Variants in NDUFS2 observed in about 807,000 individuals in gnomAD.
NDUFS2 encodes NADH dehydrogenase [ubiquinone] iron-sulfur protein 2, mitochondrial.
A neutral mutation model predicts 69.6 loss-of-function variants in NDUFS2; 38 were observed. The ratio of observed to expected loss-of-function variants is 0.55; its 90% CI spans 0.42 to 0.72. The LOEUF is 0.72. NDUFS2 is among the 30% of genes least tolerant of loss of function. NDUFS2 has a pLI of 0.00. For missense variants in NDUFS2, 468 were observed against 595.0 expected (o/e 0.79, Z 2.22); for synonymous variants, 194 against 211.2 (o/e 0.92, Z 0.70).
At chr1:161,213,604 T>C in intron 11 of NDUFS2, 45 bp from the exon 12 acceptor site, 3 of 1,598,052 alleles carry the variant, frequency 1.9e-6, no homozygotes, top group Non-Finnish European at 2.6e-6. Context: ...CAGAGAAAAA[T>C]ACTCTTCATG....
intron 2 of NDUFS2, among the ~76,000 whole-genome samples, chr1:161,204,114 C>T (rs1012835585): frequency 2.0e-5 from 3 of 152,220 alleles, no homozygotes; most frequent in African/African-American, 7.2e-5. Flanking sequence ...AATATTAATG[C>T]CAGCTTTTCC....
intron 3 of NDUFS2, among the ~76,000 whole-genome samples, chr1:161,208,018 C>G (rs1487960352): frequency 1.7e-4 from 20 of 115,526 alleles, no homozygotes; most frequent in Non-Finnish European, 2.2e-4. Flanking sequence ...GAGTTTCACT[C>G]TTGTTGCCCA....
chr1:161,208,951 C>T (rs918855796), intron 3 of NDUFS2, among the ~76,000 whole-genome samples: 6 of 152,126 alleles, frequency 3.9e-5, no homozygotes, highest in Non-Finnish European at 8.8e-5. Flanking sequence ...AGTATTTTTA[C>T]CATGGAAATT....
rs1276811416 is a variant in NDUFS2 at position 161,214,187 on chromosome 1, T to A, written c.1386T>A (p.Asp462Glu). The A allele has an allele frequency of 6.2e-7, 1 of 1,613,566 alleles. No homozygotes were observed. Among genetic ancestry groups the A allele is most frequent in the South Asian group, 1.1e-5 (1 of 91,062 alleles). Residue 462 changes from aspartate (D) to glutamate (E), a missense_variant, in exon 14 of 14, where the codon GAT (aspartate) becomes GAA (glutamate). By Grantham distance (45) the Asp-to-Glu change is conservative. This residue lies in a region of NDUFS2 where 72 missense variants were observed against 118.9 expected (regional missense o/e 0.61). Transcript: ENST00000676972. Reference sequence around the variant, plus strand: ...AAGATATTGTATTTGGAGAAGTAGATCGGTGAGCAGGGGAGCAGCGTTTGA... The same window carrying A: ...AAGATATTGTATTTGGAGAAGTAGAACGGTGAGCAGGGGAGCAGCGTTTGA... ...GTQDIVFGEVDR is the reference protein window; with the variant it reads ...GTQDIVFGEVER
intron 3 of NDUFS2, 43 bp downstream of exon 3, chr1:161,206,640 G>A (rs765348219): frequency 2.5e-6 from 4 of 1,603,326 alleles, no homozygotes; most frequent in Admixed American, 1.7e-5. Flanking sequence ...ATCTGGGGTT[G>A]CTTTAGCCTG....
At chr1:161,206,631 T>C in intron 3 of NDUFS2, 34 bp downstream of exon 3, 1 of 1,608,878 alleles carries the variant, frequency 6.2e-7, no homozygotes. Context: ...TTTGGCGGGA[T>C]CTGGGGTTGC....
Position 161,212,385 on chromosome 1 carries a change from C to G in NDUFS2, c.1021C>G (p.Leu341Val), listed in dbSNP as rs777153789. The change falls in exon 10 of 14, where the codon CTG becomes GTG. Residue 341 changes from leucine (L) to valine (V), a missense_variant. Leu to Val is a conservative substitution (Grantham distance 32). Around this residue, in one of 3 missense-constraint regions of NDUFS2, gnomAD observed 339 missense variants for 433.8 expected, o/e 0.78. Coordinates refer to ENST00000676972, the MANE Select transcript of NDUFS2 (RefSeq NM_001377299.1). Reference protein sequence around the residue: ...LCRVEEMRQSLRIIAQCLNKM... With the variant: ...LCRVEEMRQSVRIIAQCLNKM... ...CCGGGTGGAGGAGATGCGCCAGTCC[C>G]TGAGAATTATCGCACAGTGTCTAAA... The G allele has an allele frequency of 3.1e-6, 5 of 1,613,742 alleles. No individual in the cohort carries two copies. In the South Asian group the frequency reaches 4.4e-5, roughly 14 times the overall value.
At position 161,203,704 on chromosome 1, in the gene NDUFS2, TTCTGTC is replaced by T. The variant is rs1251078891; in HGVS notation, c.202+164_202+169del. 5.8e-6 allele frequency: 4 copies of T among 687,600 alleles called. No individual in the cohort carries two copies. The Admixed American group carries it at 8.3e-5, about 14-fold the overall frequency. The allele number at this position is 687,600 out of a possible 1,614,324, so 42.6% of individuals were successfully genotyped here. A position where few individuals can be genotyped will look rare whatever the true frequency, so the allele number is the denominator to read the frequency against. ...TTGAACTTCTGGGCTCAAGGCAACCTTCTGTCTCAGCCTCCCCAGAAAGCCGCAACA... is the reference window on the plus strand; with the variant it reads ...TTGAACTTCTGGGCTCAAGGCAACCTTCAGCCTCCCCAGAAAGCCGCAACA... On this transcript the variant is annotated intron_variant, in intron 2 of 13. Coordinates refer to ENST00000676972, the MANE Select transcript of NDUFS2 (RefSeq NM_001377299.1).
intron 3 of NDUFS2, among the ~76,000 whole-genome samples, chr1:161,206,891 C>T (rs1665497955): frequency 6.6e-6 from 1 of 152,264 alleles, no homozygotes; most frequent in Non-Finnish European, 1.5e-5. Flanking sequence ...CCTGCTCTTA[C>T]GTTAGACTAG....
intron 3 of NDUFS2, among the ~76,000 whole-genome samples, chr1:161,208,969 A>C (rs1047411018): frequency 6.6e-6 from 1 of 152,242 alleles, no homozygotes; most frequent in Admixed American, 6.5e-5. Context: ...ATTGGCAAAC[A>C]TGACAAATCA....
Position 161,202,392 on chromosome 1 carries a change from G to A in NDUFS2, c.7G>A (p.Ala3Thr), listed in dbSNP as rs1427418977. ...AGTCTGCAGCCGGAGTAAGATGGCG[G>A]CGCTGAGGGCTTTGTGCGGCTTCCG... MA[A>T]LRALCGFRGV... is the part of the protein sequence containing the mutation. The change falls in exon 1 of 14, where the codon GCG (alanine) becomes ACG (threonine). Residue 3 changes from alanine to threonine, a missense_variant. By Grantham distance (58) the Ala-to-Thr change is moderately conservative (BLOSUM62 0). Around this residue, in one of 3 missense-constraint regions of NDUFS2, gnomAD observed 57 missense variants for 42.3 expected, o/e 1.35. Transcript: ENST00000676972. 14 of 1,611,634 alleles carry A rather than the reference G, an allele frequency of 8.7e-6. No homozygotes were observed. Among genetic ancestry groups the A allele is most frequent in the African/African-American group, 1.3e-5 (1 of 74,892 alleles).
rs1665272812 is a variant in NDUFS2, at chr1:161,203,431, C to T, written c.96-6C>T. ...CTTTGTCTAGGATCTGTCTTTGACT[C>T]CCCAGAGGTGTTCGGCAGTGGCAGC... On this transcript the variant is annotated splice_polypyrimidine_tract_variant and splice_region_variant and intron_variant, in intron 1 of 13. Coordinates refer to ENST00000676972, the MANE Select transcript of NDUFS2 (RefSeq NM_001377299.1). 2 of 1,613,288 alleles carry T rather than the reference C, an allele frequency of 1.2e-6. No homozygotes were observed. Among genetic ancestry groups the T allele is most frequent in the South Asian group, 1.1e-5 (1 of 91,046 alleles).
upstream of NDUFS2, among the ~76,000 whole-genome samples, chr1:161,201,565 C>T (rs1009928789): frequency 2.6e-5 from 4 of 152,338 alleles, no homozygotes; most frequent in Middle Eastern, 3.4e-3. Flanking sequence ...GGCCATTACC[C>T]AGGAGGGCTA....
In NDUFS2 at chr1:161,202,372, G is replaced by A. The variant is rs1252585066; in HGVS notation, c.-14G>A. ...CGCCCGGTTCTCCTTCCCGCAGTCTGCAGCCGGAGTAAGATGGCGGCGCTG... is the reference window on the plus strand; with the variant it reads ...CGCCCGGTTCTCCTTCCCGCAGTCTACAGCCGGAGTAAGATGGCGGCGCTG... On this transcript the variant is annotated 5_prime_UTR_variant, in exon 1 of 14. Coordinates refer to ENST00000676972, the MANE Select transcript of NDUFS2 (RefSeq NM_001377299.1). The A allele has an allele frequency of 6.2e-7, 1 of 1,607,720 alleles. No homozygotes were observed. Among genetic ancestry groups the A allele is most frequent in the Admixed American group, 1.7e-5 (1 of 59,094 alleles).
chr1:161,197,955 C>G (rs777293949), upstream of NDUFS2: 8 of 1,522,886 alleles, frequency 5.3e-6, no homozygotes, highest in Non-Finnish European at 7.1e-6. Flanking sequence ...ACAGACATGG[C>G]GGGAGGACAC....
rs752574041 is a variant in NDUFS2, at chr1:161,203,508, A to C, written c.167A>C (p.Lys56Thr). 2.5e-6 allele frequency: 4 copies of C among 1,613,966 alleles called. No individual in the cohort carries two copies. Among genetic ancestry groups the C allele is most frequent in the Non-Finnish European group, 3.4e-6 (4 of 1,180,008 alleles). ...GGGGGAGCTGTTATGTACCCAAGCAAAGAAACAGCCCACTGGAAGCCTCCA... is the reference window on the plus strand; with the variant it reads ...GGGGGAGCTGTTATGTACCCAAGCACAGAAACAGCCCACTGGAAGCCTCCA... ...QFGGAVMYPS[K>T]ETAHWKPPPW... The change falls in exon 2 of 14, where the codon AAA becomes ACA. Residue 56 changes from lysine (K) to threonine (T), a missense_variant. Around this residue, in one of 3 missense-constraint regions of NDUFS2, gnomAD observed 339 missense variants for 433.8 expected, o/e 0.78. Transcript: ENST00000676972.
At chr1:161,207,071 T>C (rs1478855108) in intron 3 of NDUFS2, among the ~76,000 whole-genome samples, 1 of 152,216 alleles carries the variant, frequency 6.6e-6, no homozygotes, top group Non-Finnish European at 1.5e-5. Context: ...TTAGGAGAAC[T>C]GTATAACCCA....
chr1:161,203,969 T>G (rs772483584), intron 2 of NDUFS2: 2 of 256,138 alleles, frequency 7.8e-6, no homozygotes, highest in South Asian at 4.6e-5. Context: ...CCTGTTTGCT[T>G]CTTTCACCAC....
intron 6 of NDUFS2, 26 bp downstream of exon 6, chr1:161,209,957 AT>A: frequency 6.2e-7 from 1 of 1,613,514 alleles, no homozygotes; most frequent in Non-Finnish European, 8.5e-7. Flanking sequence ...GCTTCCCCAA[AT>A]GTCCAGCCCA....
Sources: allele counts gnomAD v4.1 joint callset (sites outside exome capture counted in the v4.1 genomes callset), GRCh38; gene constraint gnomAD v4.1.1; regional missense constraint gnomAD v4.1.1; transcripts MANE v1.5; gene names NCBI Gene and HGNC (gene_info 2026-07-23, HGNC 2026-07-21).